EPM2A: variants seen among roughly 807,000 people sequenced by gnomAD.
EPM2A encodes laforin.
EPM2A carries 21 observed loss-of-function variants against 26.5 expected under a neutral mutation model. That is an observed-to-expected ratio of 0.79 (90% CI 0.56 to 1.14). The LOEUF (loss-of-function observed/expected upper bound fraction) is 1.14. Among genes scored for constraint, EPM2A ranks in the 50% most tolerant of loss-of-function variants. The pLI, the probability that EPM2A is intolerant of heterozygous loss-of-function variation, is 0.00. For synonymous variants in EPM2A, 217 were observed against 177.6 expected (o/e 1.22, Z -1.76); for missense variants, 458 against 440.8 (o/e 1.04, Z -0.35).
At chr6:145,469,068 T>A (rs1444402602) in intron 4 of EPM2A, among the ~76,000 whole-genome samples, 1 of 152,108 alleles carries the variant, frequency 6.6e-6, no homozygotes, top group Admixed American at 6.6e-5. Context: ...AGAGGTTTAA[T>A]TGACTGACAG....
At chr6:145,501,730 C>T (rs566781256) in exon 4 of EPM2A, 2 of 462,216 alleles carry the variant, frequency 4.3e-6, no homozygotes, top group South Asian at 3.2e-5. Flanking sequence ...TTTTTCTTTC[C>T]TGTGTGAGCT....
intron 2 of EPM2A, among the ~76,000 whole-genome samples, chr6:145,660,142 A>G (rs1778580997): frequency 1.3e-5 from 2 of 152,180 alleles, no homozygotes; most frequent in African/African-American, 4.8e-5. Flanking sequence ...GCATGAGACT[A>G]TTAGCTTCTG....
chr6:145,439,599 C>A (rs980328781), intron 4 of EPM2A, among the ~76,000 whole-genome samples: 2 of 152,018 alleles, frequency 1.3e-5, no homozygotes, highest in African/African-American at 2.4e-5. Flanking sequence ...TGCTTGTTGG[C>A]CGCATGTGGG....
chr6:145,486,416 C>CTTTTCATATAG (rs758023115), intron 4 of EPM2A, among the ~76,000 whole-genome samples: 107 of 152,236 alleles, frequency 7.0e-4, no homozygotes, highest in Non-Finnish European at 1.2e-3. Flanking sequence ...ACATGTTCTT[C>CTTTTCATATAG]TTTTCATATA....
downstream of EPM2A, among the ~76,000 whole-genome samples, chr6:145,498,742 G>A (rs1023662415): frequency 1.3e-5 from 2 of 152,136 alleles, no homozygotes; most frequent in Non-Finnish European, 2.9e-5. Context: ...TTCAGTTGAA[G>A]GTGCTGTATT....
intron 4 of EPM2A, among the ~76,000 whole-genome samples, chr6:145,392,872 G>A (rs999361967): frequency 6.6e-6 from 1 of 151,988 alleles, no homozygotes; most frequent in African/African-American, 2.4e-5. Flanking sequence ...GAGGGCTCAG[G>A]AGGTAATCAC....
At chr6:145,489,858 T>G in intron 4 of EPM2A, 1 of 1,431,830 alleles carries the variant, frequency 7.0e-7, no homozygotes, top group East Asian at 2.3e-5. Flanking sequence ...GCACCTGATT[T>G]ATCCATTCAA....
At chr6:145,487,840 T>C (rs1779698025) in intron 4 of EPM2A, among the ~76,000 whole-genome samples, 2 of 152,190 alleles carry the variant, frequency 1.3e-5, no homozygotes. Flanking sequence ...CATTTGTCAA[T>C]TTTTGCTTTC....
intron 4 of EPM2A, among the ~76,000 whole-genome samples, chr6:145,471,192 T>C (rs1779468495): frequency 6.6e-6 from 1 of 152,206 alleles, no homozygotes; most frequent in Admixed American, 6.5e-5. Context: ...GTTGAAAATG[T>C]TTGAATCTAT....
intron 2 of EPM2A, chr6:145,671,233 A>G: frequency 9.5e-7 from 1 of 1,054,446 alleles, no homozygotes; most frequent in Non-Finnish European, 1.2e-6. Flanking sequence ...AGAAGTGTAT[A>G]CATACTTATT....
At chr6:145,495,553 G>A (rs941730298) in intron 4 of EPM2A, among the ~76,000 whole-genome samples, 2 of 152,028 alleles carry the variant, frequency 1.3e-5, no homozygotes, top group Admixed American at 1.3e-4. Flanking sequence ...TTGTTTTGCA[G>A]ACTTGTTTAT....
intron 2 of EPM2A, among the ~76,000 whole-genome samples, chr6:145,601,231 T>C (rs1440535052): frequency 3.9e-5 from 6 of 152,244 alleles, no homozygotes; most frequent in African/African-American, 1.2e-4. Flanking sequence ...ACCTTTTTAT[T>C]ATCACTTTAT....
intron 4 of EPM2A, among the ~76,000 whole-genome samples, chr6:145,403,022 G>C (rs1221123572): frequency 6.6e-6 from 1 of 152,100 alleles, no homozygotes; most frequent in Non-Finnish European, 1.5e-5. Context: ...CCTCAAACCT[G>C]ATACTATTAC....
intron 1 of EPM2A, among the ~76,000 whole-genome samples, chr6:145,695,734 C>A (rs1309088667): frequency 1.3e-5 from 2 of 152,088 alleles, no homozygotes; most frequent in East Asian, 3.9e-4. Flanking sequence ...GGTGTCAATT[C>A]TTCAACATTT....
Position 145,671,214 on chromosome 6 carries a change from C to G in EPM2A, c.476+14908G>C. ...CAAAGTAAAAAAAAAAAAATCTTAT[C>G]ATTATACAAGAAGTGTATACATACT... On this transcript the variant is annotated intron_variant, in intron 2 of 3. Coordinates refer to ENST00000367519, the MANE Select transcript of EPM2A (RefSeq NM_005670.4). 3.0e-6 allele frequency: 3 copies of G among 1,008,536 alleles called. No homozygotes were observed. The South Asian group carries it at 1.0e-4, about 35-fold the overall frequency. The allele number at this position is 1,008,536 out of a possible 1,614,324, so 62.5% of individuals were successfully genotyped here.
At chr6:145,512,582 G>A (rs1307879312) in intron 2 of EPM2A, among the ~76,000 whole-genome samples, 1 of 151,328 alleles carries the variant, frequency 6.6e-6, no homozygotes, top group Admixed American at 6.6e-5. Flanking sequence ...TGTGGTGGTG[G>A]GCGCCTGTAA....
intron 2 of EPM2A, among the ~76,000 whole-genome samples, chr6:145,585,453 A>G (rs1186149237): frequency 2.0e-5 from 3 of 152,002 alleles, no homozygotes; most frequent in Non-Finnish European, 4.4e-5. Flanking sequence ...GAAAGTTTCT[A>G]TTGTTGTATG....
At chr6:145,621,693 A>T (rs1775637968), downstream of EPM2A, among the ~76,000 whole-genome samples, 1 of 151,862 alleles carries the variant, frequency 6.6e-6, no homozygotes, top group African/African-American at 2.4e-5. Flanking sequence ...CTAATGATTA[A>T]TGATGCTGAG....
At chr6:145,690,892 C>A in intron 1 of EPM2A, among the ~76,000 whole-genome samples, 1 of 150,524 alleles carries the variant, frequency 6.6e-6, no homozygotes. Flanking sequence ...ATGGAAGGGA[C>A]AGAGGAAAGA....
Sources: allele counts gnomAD v4.1 joint callset (sites outside exome capture counted in the v4.1 genomes callset), GRCh38; gene constraint gnomAD v4.1.1; transcripts MANE v1.5; gene names NCBI Gene and HGNC (gene_info 2026-07-23, HGNC 2026-07-21).